Variants in UBE2H observed in about 807,000 individuals in gnomAD.
UBE2H encodes ubiquitin conjugating enzyme E2 H, also known as ubiquitin-conjugating enzyme E2 H.
A neutral mutation model predicts 29.0 loss-of-function variants in UBE2H; 3 were observed. The observed-to-expected ratio is 0.10, with a 90% CI of 0.05 to 0.27. The LOEUF (loss-of-function observed/expected upper bound fraction) is 0.27, where lower values mean the gene tolerates loss of function less well. Ranked by LOEUF, UBE2H falls within the 10% of genes least tolerant of loss-of-function variation. The pLI is 1.00. For synonymous variants in UBE2H, 69 were observed against 82.9 expected, an observed-to-expected ratio of 0.83 and a Z score of 0.91; for missense variants, 68 against 228.2, an observed-to-expected ratio of 0.30 and a Z score of 4.52.
chr7:129,900,802 G>A (rs1806697846), intron 1 of UBE2H, among the ~76,000 whole-genome samples: 2 of 148,368 alleles, frequency 1.3e-5, no homozygotes, highest in East Asian at 2.0e-4. Flanking sequence ...CCAGGCTGGA[G>A]TGCAGTGGCA....
At chr7:129,926,543 C>G (rs548230993) in intron 1 of UBE2H, among the ~76,000 whole-genome samples, 7 of 151,966 alleles carry the variant, frequency 4.6e-5, no homozygotes, top group African/African-American at 1.7e-4. Context: ...CTCCTGGCCT[C>G]GAGTGATTCT....
At chr7:129,893,051 G>A (rs1466441057) in intron 1 of UBE2H, among the ~76,000 whole-genome samples, 5 of 152,166 alleles carry the variant, frequency 3.3e-5, no homozygotes, top group Non-Finnish European at 7.3e-5. Context: ...ACTTACTATG[G>A]TACCCTGAAT....
chr7:129,835,883 C>T (rs577032722), intron 6 of UBE2H, among the ~76,000 whole-genome samples: 21 of 152,260 alleles, frequency 1.4e-4, no homozygotes, highest in African/African-American at 3.9e-4. Flanking sequence ...TATAGAGTTG[C>T]GGGGACTCAC....
intron 3 of UBE2H, among the ~76,000 whole-genome samples, chr7:129,873,404 T>G (rs1164410718): frequency 6.6e-6 from 1 of 151,196 alleles, no homozygotes; most frequent in Non-Finnish European, 1.5e-5. Flanking sequence ...AGTTCTTGCT[T>G]CATGCCACTA....
chr7:129,888,657 T>C (rs1563035189), intron 1 of UBE2H, among the ~76,000 whole-genome samples: 1 of 152,156 alleles, frequency 6.6e-6, no homozygotes, highest in Non-Finnish European at 1.5e-5. Context: ...GTATTTTCAG[T>C]AGAGACGGAG....
At chr7:129,879,730 T>C in intron 2 of UBE2H, 88 bp from the exon 3 acceptor site, 1 of 1,230,446 alleles carries the variant, frequency 8.1e-7, no homozygotes, top group Non-Finnish European at 1.2e-6. Flanking sequence ...TCCCCTAATC[T>C]TCTGAAAACC....
intron 3 of UBE2H, among the ~76,000 whole-genome samples, chr7:129,863,646 A>G (rs1325723357): frequency 6.6e-6 from 1 of 152,172 alleles, no homozygotes; most frequent in East Asian, 1.9e-4. Flanking sequence ...AACCACCAAC[A>G]TGATAAAATA....
intron 1 of UBE2H, among the ~76,000 whole-genome samples, chr7:129,884,255 A>C (rs1806313044): frequency 6.6e-6 from 1 of 151,866 alleles, no homozygotes; most frequent in Admixed American, 6.6e-5. Flanking sequence ...GTCTCTACTA[A>C]AAATACAAAA....
At chr7:129,883,087 A>G (rs1806286641) in intron 1 of UBE2H, among the ~76,000 whole-genome samples, 1 of 152,240 alleles carries the variant, frequency 6.6e-6, no homozygotes, top group East Asian at 1.9e-4. Flanking sequence ...CAATTCATTA[A>G]AGAAGTTTAA....
At chr7:129,874,921 G>A (rs1157244036) in intron 3 of UBE2H, among the ~76,000 whole-genome samples, 2 of 152,074 alleles carry the variant, frequency 1.3e-5, no homozygotes, top group Admixed American at 6.5e-5. Flanking sequence ...AACAGTGTGT[G>A]CACTTATACA....
intron 1 of UBE2H, among the ~76,000 whole-genome samples, chr7:129,895,484 T>C (rs1324867448): frequency 6.6e-6 from 1 of 152,084 alleles, no homozygotes; most frequent in Non-Finnish European, 1.5e-5. Flanking sequence ...ATAGGCAACA[T>C]ATAATTTCCC....
chr7:129,866,876 CA>C (rs1805913917), intron 3 of UBE2H, among the ~76,000 whole-genome samples: 1 of 152,190 alleles, frequency 6.6e-6, no homozygotes, highest in Non-Finnish European at 1.5e-5. Flanking sequence ...ATCTACACAT[CA>C]TTAATCGTGA....
intron 1 of UBE2H, among the ~76,000 whole-genome samples, chr7:129,930,902 C>T (rs1485998371): frequency 3.4e-5 from 3 of 87,192 alleles, no homozygotes; most frequent in African/African-American, 4.8e-5. Context: ...AGCGAGACCC[C>T]GTCTCACAAA....
rs34454670 is a variant in UBE2H at position 129,938,413 on chromosome 7, CAAAAAAAAAAA to C, written c.53+14079_53+14089del. The stretch of plus-strand genomic sequence containing the variant: ...CAACAGAGAGAGAGACTGCCTCATT[CAAAAAAAAAAA>C]AAAAAAAAAAAAAAAAAGGCTGGCT... On this transcript the variant is annotated intron_variant, in intron 1 of 6. Transcript: ENST00000355621. Among the ~76,000 whole-genome samples, 39 of 38,044 alleles carry C rather than the reference CAAAAAAAAAAA, an allele frequency of 1.0e-3. 1 individual carries two copies. Among genetic ancestry groups the C allele is most frequent in the Admixed American group, 3.4e-3 (7 of 2,054 alleles). The allele number at this position is 38,044 out of a possible 152,430, so 25.0% of individuals were successfully genotyped here.
intron 1 of UBE2H, among the ~76,000 whole-genome samples, chr7:129,929,675 A>G (rs1342302968): frequency 1.3e-5 from 2 of 152,328 alleles, no homozygotes; most frequent in South Asian, 2.1e-4. Context: ...GTGTATTTAC[A>G]TGGTTTACTG....
intron 1 of UBE2H, among the ~76,000 whole-genome samples, chr7:129,911,807 T>C (rs1294903875): frequency 6.6e-6 from 1 of 151,952 alleles, no homozygotes; most frequent in East Asian, 1.9e-4. Flanking sequence ...GCCTGGCTAA[T>C]TCTTAAATTT....
rs1452211984 is a variant in UBE2H, at chr7:129,952,395, G to A, written c.53+108C>T. 2.1e-6 allele frequency: 3 copies of A among 1,401,850 alleles called. No individual in the cohort carries two copies. In the South Asian group the frequency reaches 4.1e-5, roughly 19 times the overall value. The allele number at this position is 1,401,850 out of a possible 1,614,324, so 86.8% of individuals were successfully genotyped here. On this transcript the variant is annotated intron_variant, in intron 1 of 6. Coordinates refer to ENST00000355621, the MANE Select transcript of UBE2H (RefSeq NM_003344.4). ...GCACTGGGGGAGGAGGGGAGTCTCG[G>A]ACAGTGGCCTGGAGTGCCCCAGGGC... is the stretch of plus-strand genomic sequence containing the variant.
chr7:129,925,661 G>A (rs1807252236), intron 1 of UBE2H, among the ~76,000 whole-genome samples: 1 of 152,194 alleles, frequency 6.6e-6, no homozygotes. Context: ...AGGGCAATGT[G>A]TAGGGAGGGA....
chr7:129,949,060 A>G (rs1335569323), intron 1 of UBE2H: 4 of 456,384 alleles, frequency 8.8e-6, no homozygotes, highest in African/African-American at 6.0e-5. Context: ...TTGCCTGCAT[A>G]CGCTTTTCCA....
Sources: allele counts gnomAD v4.1 joint callset (sites outside exome capture counted in the v4.1 genomes callset), GRCh38; gene constraint gnomAD v4.1.1; transcripts MANE v1.5; gene names NCBI Gene and HGNC (gene_info 2026-07-23, HGNC 2026-07-21).